The following RARB variants were observed in gnomAD, a reference collection of about 807,000 sequenced individuals.
RARB encodes HBV-activated protein.
In RARB, 17 loss-of-function variants were observed where a neutral mutation model predicts 51.9. The observed-to-expected ratio is 0.33, with a 90% CI of 0.22 to 0.49. The LOEUF is 0.49. Ranked by LOEUF, RARB falls within the 20% of genes least tolerant of loss-of-function variation. The pLI, the probability that RARB is intolerant of heterozygous loss-of-function variation, is 0.99. For missense variants in RARB, 369 were observed against 550.8 expected, an observed-to-expected ratio of 0.67 and a Z score of 3.30; for synonymous variants, 215 against 195.4, an observed-to-expected ratio of 1.10 and a Z score of -0.84.
chr3:25,462,965 A>G (rs1695254731), intron 2 of RARB, among the ~76,000 whole-genome samples: 1 of 152,222 alleles, frequency 6.6e-6, no homozygotes, highest in Admixed American at 6.5e-5. Flanking sequence ...AGGTCAGCCT[A>G]GACTCAGTAG....
intron 5 of RARB, among the ~76,000 whole-genome samples, chr3:25,272,318 C>T (rs1703274361): frequency 6.6e-6 from 1 of 152,190 alleles, no homozygotes. Context: ...ATGCCATGAT[C>T]TCCTTTGGAC....
chr3:24,918,237 A>G (rs1695146613), intron 2 of RARB, among the ~76,000 whole-genome samples: 1 of 152,224 alleles, frequency 6.6e-6, no homozygotes, highest in Non-Finnish European at 1.5e-5. Context: ...CGAATTACTA[A>G]TACATGCTGG....
chr3:24,935,743 A>C (rs1695535347), intron 2 of RARB, among the ~76,000 whole-genome samples: 1 of 152,136 alleles, frequency 6.6e-6, no homozygotes, highest in Non-Finnish European at 1.5e-5. Flanking sequence ...AAATTCAAAA[A>C]TTGGATTGTT....
chr3:25,539,532 C>CTTTTTTTTTTTTT (rs56693487), intron 3 of RARB, among the ~76,000 whole-genome samples: 3 of 102,384 alleles, frequency 2.9e-5, no homozygotes, highest in African/African-American at 8.7e-5. Flanking sequence ...CTCTCTCTCT[C>CTTTTTTTTTTTTT]TTTTTTTTTT....
chr3:25,078,052 A>G (rs150190878), intron 3 of RARB, among the ~76,000 whole-genome samples: 1 of 152,110 alleles, frequency 6.6e-6, no homozygotes, highest in East Asian at 1.9e-4. Context: ...GAGTTTATAC[A>G]TTCTAGATAT....
chr3:25,430,486 G>A (rs1461446475), intron 1 of RARB, among the ~76,000 whole-genome samples: 4 of 152,110 alleles, frequency 2.6e-5, no homozygotes, highest in East Asian at 1.9e-4. Context: ...CAGGATCCTC[G>A]CCAAAAGTTA....
At chr3:25,076,022 T>C (rs774858724) in intron 3 of RARB, among the ~76,000 whole-genome samples, 1 of 152,234 alleles carries the variant, frequency 6.6e-6, no homozygotes, top group Non-Finnish European at 1.5e-5. Context: ...AGATAGAGTT[T>C]ATTGCTTTGC....
intron 2 of RARB, among the ~76,000 whole-genome samples, chr3:24,912,972 ATTCTTTT>A (rs1260501162): frequency 3.5e-5 from 2 of 57,636 alleles, no homozygotes; most frequent in African/African-American, 5.4e-5. Flanking sequence ...CAAGGTACTG[ATTCTTTT>A]TTTTTTTTTT....
At chr3:25,030,933 T>C (rs1417656977) in intron 2 of RARB, among the ~76,000 whole-genome samples, 1 of 152,202 alleles carries the variant, frequency 6.6e-6, no homozygotes, top group Non-Finnish European at 1.5e-5. Context: ...TCTCTGAATA[T>C]TCTCATCCCC....
intron 2 of RARB, among the ~76,000 whole-genome samples, chr3:25,469,335 T>C (rs1012325797): frequency 2.0e-5 from 3 of 152,246 alleles, no homozygotes; most frequent in South Asian, 2.1e-4. Flanking sequence ...TTGTTTTTAA[T>C]TGGAGTGGAT....
intron 1 of RARB, among the ~76,000 whole-genome samples, chr3:24,840,742 T>TA (rs55771334): frequency 0.029 from 2,012 of 70,314 alleles, 35 homozygotes; most frequent in African/African-American, 0.041. Context: ...TGAGTAAGAG[T>TA]AAAAAAAAAA....
At chr3:25,369,294 C>T (rs1032852857) in intron 5 of RARB, among the ~76,000 whole-genome samples, 1 of 152,156 alleles carries the variant, frequency 6.6e-6, no homozygotes, top group African/African-American at 2.4e-5. Flanking sequence ...ATTAATTCTG[C>T]CCAGAGGAAG....
intron 2 of RARB, among the ~76,000 whole-genome samples, chr3:24,980,266 A>G (rs921944351): frequency 6.6e-6 from 1 of 151,998 alleles, no homozygotes; most frequent in African/African-American, 2.4e-5. Context: ...GCTCTTCTCA[A>G]GGAGTATCTT....
intron 2 of RARB, among the ~76,000 whole-genome samples, chr3:24,884,891 C>T (rs1198055162): frequency 6.6e-6 from 1 of 152,010 alleles, no homozygotes; most frequent in Non-Finnish European, 1.5e-5. Context: ...AAATGTAAAG[C>T]AACATATTTA....
chr3:24,916,107 T>C (rs1695101015), intron 2 of RARB, among the ~76,000 whole-genome samples: 1 of 152,078 alleles, frequency 6.6e-6, no homozygotes, highest in South Asian at 2.1e-4. Context: ...TTTACTTCTG[T>C]GTAATGAGAG....
chr3:24,982,929 T>C (rs1222223634), intron 2 of RARB, among the ~76,000 whole-genome samples: 1 of 152,214 alleles, frequency 6.6e-6, no homozygotes, highest in Non-Finnish European at 1.5e-5. Flanking sequence ...TTCTGGAAAT[T>C]AGCACAAGTA....
intron 1 of RARB, among the ~76,000 whole-genome samples, chr3:24,833,468 T>C (rs1203253412): frequency 6.6e-6 from 1 of 152,212 alleles, no homozygotes; most frequent in African/African-American, 2.4e-5. Flanking sequence ...TTAAGTCTTA[T>C]CCATACAACA....
At chr3:25,371,936 T>C (rs1706312919) in intron 5 of RARB, among the ~76,000 whole-genome samples, 1 of 152,172 alleles carries the variant, frequency 6.6e-6, no homozygotes, top group South Asian at 2.1e-4. Context: ...GGAGATGGAT[T>C]TGACGTTGAA....
intron 2 of RARB, among the ~76,000 whole-genome samples, chr3:24,942,237 G>T (rs1695682501): frequency 6.6e-6 from 1 of 152,164 alleles, no homozygotes; most frequent in South Asian, 2.1e-4. Flanking sequence ...CACTGCATTA[G>T]GTGTTGGGAT....
Sources: allele counts gnomAD v4.1 joint callset (sites outside exome capture counted in the v4.1 genomes callset), GRCh38; gene constraint gnomAD v4.1.1; transcripts MANE v1.5; gene names NCBI Gene and HGNC (gene_info 2026-07-23, HGNC 2026-07-21).